The following LYRM4 variants were observed in gnomAD, a reference collection of about 807,000 sequenced individuals.
The protein encoded by LYRM4 is LYR motif-containing protein 4.
Under a neutral mutation model 11.7 loss-of-function variants are expected in LYRM4, and 9 were observed. The ratio of observed to expected loss-of-function variants is 0.77; its 90% confidence interval spans 0.46 to 1.34. The LOEUF is 1.34. LYRM4 is among the 40% of genes most tolerant of loss of function. The probability of loss-of-function intolerance (pLI) is 0.00; values close to 1 mark genes in which losing one functional copy is unlikely to be tolerated. For missense variants in LYRM4, 133 were observed against 112.5 expected (o/e 1.18, Z -0.82); for synonymous variants, 42 against 40.4 (o/e 1.04, Z -0.15).
intron 2 of LYRM4, among the ~76,000 whole-genome samples, chr6:5,123,762 C>T (rs1763572875): frequency 6.6e-6 from 1 of 152,234 alleles, no homozygotes; most frequent in African/African-American, 2.4e-5. Context: ...TGAGTGTCAC[C>T]TGTAGGGCGA....
intron 2 of LYRM4, among the ~76,000 whole-genome samples, chr6:5,122,806 G>A (rs568196510): frequency 3.3e-5 from 5 of 152,212 alleles, no homozygotes; most frequent in African/African-American, 7.2e-5. Flanking sequence ...CCGTCTGCAC[G>A]GTTTCCCAGT....
chr6:5,053,734 T>G, the LYRM4 span, among the ~76,000 whole-genome samples: 1 of 152,214 alleles, frequency 6.6e-6, no homozygotes, highest in Non-Finnish European at 1.5e-5. Context: ...CCAAGTTAAC[T>G]GTACAGACAA....
intron 1 of LYRM4, among the ~76,000 whole-genome samples, chr6:5,253,398 T>A: frequency 6.6e-6 from 1 of 152,160 alleles, no homozygotes; most frequent in East Asian, 1.9e-4. Context: ...TGTGGTTATG[T>A]TATACATCAT....
At chr6:5,066,161 T>C in the LYRM4 span, 1 of 620,094 alleles carries the variant, frequency 1.6e-6, no homozygotes, top group Admixed American at 2.1e-5. Context: ...CCATTTTGGG[T>C]GTATACATCA....
chr6:5,168,831 G>A (rs1377997953), intron 2 of LYRM4, among the ~76,000 whole-genome samples: 2 of 152,116 alleles, frequency 1.3e-5, no homozygotes, highest in African/African-American at 2.4e-5. Flanking sequence ...GAATTTAGGG[G>A]TGAAGTCTCA....
intron 2 of LYRM4, among the ~76,000 whole-genome samples, chr6:5,110,097 G>A (rs1415514402): frequency 6.6e-6 from 1 of 152,186 alleles, no homozygotes; most frequent in Non-Finnish European, 1.5e-5. Context: ...GGTGGATGCT[G>A]GAGCCATCCT....
intron 2 of LYRM4, among the ~76,000 whole-genome samples, chr6:5,213,989 C>T (rs1403816367): frequency 2.0e-5 from 3 of 152,220 alleles, no homozygotes; most frequent in Non-Finnish European, 4.4e-5. Flanking sequence ...ATATCTTGCT[C>T]AGAGTGACAT....
In LYRM4 at chr6:5,121,066, C is replaced by T. The variant is rs368013749; in HGVS notation, c.208-11575G>A. 4.7e-4 allele frequency among the ~76,000 whole-genome samples: 72 copies of T among 152,304 alleles called. 1 individual carries two copies. Among genetic ancestry groups the T allele is most frequent in the Middle Eastern group, 6.8e-3 (2 of 294 alleles). Reference sequence around the variant, plus strand: ...CAGTGCTCATCTAAGGGGATTCAGGCTTAGCACTTATTTTTTGAGTATTAC... The same window carrying T: ...CAGTGCTCATCTAAGGGGATTCAGGTTTAGCACTTATTTTTTGAGTATTAC... On this transcript the variant is annotated intron_variant, in intron 2 of 2. Coordinates refer to ENST00000330636, the MANE Select transcript of LYRM4 (RefSeq NM_020408.6).
At chr6:5,049,684 T>C in the LYRM4 span, among the ~76,000 whole-genome samples, 1 of 151,990 alleles carries the variant, frequency 6.6e-6, no homozygotes, top group Non-Finnish European at 1.5e-5. Flanking sequence ...TTTTTTTTTT[T>C]TTGGAGACAG....
intron 2 of LYRM4, chr6:5,136,556 T>C (rs1458787676): frequency 1.0e-6 from 1 of 966,048 alleles, no homozygotes; most frequent in Non-Finnish European, 1.2e-6. Context: ...ATAAGTTAGA[T>C]GGTATTTATA....
intron 1 of LYRM4, among the ~76,000 whole-genome samples, chr6:5,231,263 A>G (rs1360835105): frequency 6.6e-6 from 1 of 152,212 alleles, no homozygotes; most frequent in East Asian, 1.9e-4. Flanking sequence ...GGTGTACAGT[A>G]ACCTCAACCA....
At chr6:5,055,658 T>C in the LYRM4 span, among the ~76,000 whole-genome samples, 5 of 152,170 alleles carry the variant, frequency 3.3e-5, no homozygotes, top group Non-Finnish European at 7.3e-5. The surrounding 1 kb of genome is among the most constrained non-coding windows in gnomAD (Gnocchi z 4.5). Flanking sequence ...AGACTGAATA[T>C]ACCTTCACTC....
At chr6:5,086,539 G>T in the LYRM4 span, 1 of 1,528,736 alleles carries the variant, frequency 6.5e-7, no homozygotes. Flanking sequence ...GCTGCGCTAC[G>T]CGCGCCCTGC....
At chr6:5,165,762 C>G (rs577592631) in intron 2 of LYRM4, among the ~76,000 whole-genome samples, 1 of 152,188 alleles carries the variant, frequency 6.6e-6, no homozygotes, top group South Asian at 2.1e-4. Flanking sequence ...AGAGTGGTCT[C>G]GAATTCCTGA....
At chr6:5,195,687 A>G (rs146059563) in intron 2 of LYRM4, among the ~76,000 whole-genome samples, 104 of 152,258 alleles carry the variant, frequency 6.8e-4, no homozygotes, top group African/African-American at 2.3e-3. Flanking sequence ...CCTTCTCACA[A>G]GGACCTCAGT....
downstream of LYRM4, chr6:5,102,593 T>C (rs769177027): frequency 2.6e-5 from 4 of 152,236 alleles, no homozygotes; most frequent in Non-Finnish European, 4.4e-5. Flanking sequence ...TTTAGTACCA[T>C]TGGACTAAGA....
chr6:5,157,333 A>G (rs976025245), intron 2 of LYRM4, among the ~76,000 whole-genome samples: 2 of 152,212 alleles, frequency 1.3e-5, no homozygotes, highest in Non-Finnish European at 1.5e-5. Flanking sequence ...GTGACGGACT[A>G]TGATGCAGTA....
the LYRM4 span, among the ~76,000 whole-genome samples, chr6:5,073,202 T>G: frequency 3.9e-5 from 6 of 151,954 alleles, 1 homozygote; most frequent in Admixed American, 3.9e-4. Context: ...CCAACATCTC[T>G]ACTTAAAATA....
chr6:5,067,002 G>A, the LYRM4 span: 7 of 775,924 alleles, frequency 9.0e-6, no homozygotes, highest in South Asian at 4.8e-5. Context: ...TCTCAGGCCC[G>A]CTCCAAGGAT....
Sources: gnomAD v4.1 joint callset for allele counts (sites outside exome capture counted in the v4.1 genomes callset) on GRCh38, gnomAD v4.1.1 for gene constraint, Gnocchi (gnomAD v3.1) non-coding constraint, MANE v1.5 for transcripts, NCBI Gene and HGNC (gene_info 2026-07-23, HGNC 2026-07-21) for gene names.